Variants in CWC27 observed in about 807,000 individuals in gnomAD.
CWC27 encodes the protein spliceosome-associated protein CWC27 homolog.
Under a neutral mutation model 63.6 loss-of-function variants are expected in CWC27, and 47 were observed. The ratio of observed to expected loss-of-function variants is 0.74; its 90% CI spans 0.58 to 0.94. CWC27 has a LOEUF of 0.94. Ranked by LOEUF, CWC27 falls within the 40% of genes least tolerant of loss-of-function variation. The pLI is 0.00. For missense variants in CWC27, 495 were observed against 554.3 expected, an observed-to-expected ratio of 0.89 and a Z score of 1.07; for synonymous variants, 175 against 179.8, an observed-to-expected ratio of 0.97 and a Z score of 0.22.
At chr5:65,011,440 A>T (rs1175476713) in intron 13 of CWC27, among the ~76,000 whole-genome samples, 1 of 152,226 alleles carries the variant, frequency 6.6e-6, no homozygotes, top group Non-Finnish European at 1.5e-5. Context: ...ACACTCAGCT[A>T]ACTGAGAGAC....
intron 13 of CWC27, among the ~76,000 whole-genome samples, chr5:65,007,958 A>G (rs921204927): frequency 3.3e-5 from 5 of 152,120 alleles, no homozygotes; most frequent in African/African-American, 7.2e-5. Context: ...TACAAGTCCT[A>G]TTGGATTGCT....
chr5:64,965,046 G>A (rs967932570), intron 11 of CWC27, among the ~76,000 whole-genome samples: 46 of 152,062 alleles, frequency 3.0e-4, no homozygotes, highest in African/African-American at 1.1e-3. Flanking sequence ...CCAAGATCGC[G>A]CCATTGCACT....
At chr5:64,851,551 G>A (rs1746133996) in intron 10 of CWC27, among the ~76,000 whole-genome samples, 1 of 152,150 alleles carries the variant, frequency 6.6e-6, no homozygotes, top group African/African-American at 2.4e-5. Flanking sequence ...AGTATCTAAT[G>A]TTCTCACCAC....
chr5:64,961,286 T>C (rs1025926815), intron 11 of CWC27, among the ~76,000 whole-genome samples: 2 of 152,198 alleles, frequency 1.3e-5, no homozygotes, highest in African/African-American at 4.8e-5. Context: ...TGGTCCTTAG[T>C]TGCTTCATCT....
intron 11 of CWC27, among the ~76,000 whole-genome samples, chr5:64,922,011 T>C (rs1561157611): frequency 6.6e-6 from 1 of 152,344 alleles, no homozygotes; most frequent in East Asian, 1.9e-4. Flanking sequence ...CTGTAAGGTT[T>C]CTGCTGAAAG....
At chr5:64,840,384 AAAAAAAAAAAATATAT>A (rs1324689717) in intron 10 of CWC27, among the ~76,000 whole-genome samples, 1 of 67,228 alleles carries the variant, frequency 1.5e-5, no homozygotes, top group African/African-American at 6.8e-5. Flanking sequence ...AAAAAAAAAA[AAAAAAAAAAAATATAT>A]ATATATATAT....
chr5:65,016,159 C>T (rs73094773), intron 13 of CWC27, among the ~76,000 whole-genome samples: 17 of 152,226 alleles, frequency 1.1e-4, no homozygotes, highest in African/African-American at 4.1e-4. Flanking sequence ...GAAGCTAATA[C>T]CTAAACGCTG....
intron 2 of CWC27, 60 bp downstream of exon 2, chr5:64,774,847 T>G: frequency 3.1e-6 from 3 of 964,328 alleles, no homozygotes; most frequent in Non-Finnish European, 4.8e-6. Flanking sequence ...AACTGCAGTG[T>G]CTGCTTCACA....
intron 7 of CWC27, among the ~76,000 whole-genome samples, chr5:64,795,352 G>A (rs771397560): frequency 2.0e-4 from 31 of 152,034 alleles, no homozygotes; most frequent in Admixed American, 3.3e-4. Flanking sequence ...TATTAATTTC[G>A]TATTACTGTT....
At chr5:64,926,459 A>G (rs1280647027) in intron 11 of CWC27, among the ~76,000 whole-genome samples, 1 of 151,726 alleles carries the variant, frequency 6.6e-6, no homozygotes, top group Non-Finnish European at 1.5e-5. Flanking sequence ...AGGATTTTGT[A>G]TTTGACTTTC....
At chr5:64,795,155 C>T (rs961367873) in intron 7 of CWC27, among the ~76,000 whole-genome samples, 2 of 151,994 alleles carry the variant, frequency 1.3e-5, no homozygotes, top group Non-Finnish European at 2.9e-5. Flanking sequence ...TTAAACTTTC[C>T]CAAAAAAGTT....
At chr5:64,905,540 A>G (rs1284218795) in intron 11 of CWC27, among the ~76,000 whole-genome samples, 3 of 152,230 alleles carry the variant, frequency 2.0e-5, no homozygotes, top group African/African-American at 4.8e-5. Flanking sequence ...CAAAAGAAAT[A>G]AAGACTAGTA....
At chr5:64,839,665 G>A (rs1428837357) in intron 10 of CWC27, among the ~76,000 whole-genome samples, 1 of 152,220 alleles carries the variant, frequency 6.6e-6, no homozygotes, top group Non-Finnish European at 1.5e-5. Context: ...TAGAGATCTT[G>A]AAGCAGACTA....
chr5:65,004,905 T>TACATAC (rs1365338321), intron 13 of CWC27, among the ~76,000 whole-genome samples: 7 of 63,548 alleles, frequency 1.1e-4, no homozygotes, highest in Non-Finnish European at 1.5e-4. Flanking sequence ...TATATATATA[T>TACATAC]ACATACACAC....
At chr5:64,966,458 C>T (rs1160375754) in intron 11 of CWC27, among the ~76,000 whole-genome samples, 1 of 152,138 alleles carries the variant, frequency 6.6e-6, no homozygotes, top group Non-Finnish European at 1.5e-5. Context: ...GTGTTTGCCA[C>T]ATGTCAGACA....
At chr5:64,978,956 C>T (rs1330695626) in intron 13 of CWC27, among the ~76,000 whole-genome samples, 1 of 152,196 alleles carries the variant, frequency 6.6e-6, no homozygotes, top group East Asian at 1.9e-4. Flanking sequence ...TTACTTTCAA[C>T]TTGGCAAGAC....
chr5:64,786,495 TA>T, intron 5 of CWC27, 28 bp from the exon 6 acceptor site: 2 of 1,346,420 alleles, frequency 1.5e-6, no homozygotes, highest in Non-Finnish European at 2.0e-6. Context: ...AAAAATGGAA[TA>T]ATGTTTTCGA....
At chr5:65,004,214 G>GCTTC (rs1202534405) in intron 13 of CWC27, among the ~76,000 whole-genome samples, 2 of 151,916 alleles carry the variant, frequency 1.3e-5, no homozygotes, top group African/African-American at 4.8e-5. Flanking sequence ...CACTCCTTGA[G>GCTTC]CTTCCTTCCT....
intron 10 of CWC27, among the ~76,000 whole-genome samples, chr5:64,853,004 A>T (rs1746172419): frequency 6.6e-6 from 1 of 152,172 alleles, no homozygotes; most frequent in African/African-American, 2.4e-5. Context: ...AGACTATGGT[A>T]TTATGGCATT....
Sources: gnomAD v4.1 joint callset for allele counts (sites outside exome capture counted in the v4.1 genomes callset) on GRCh38, gnomAD v4.1.1 for gene constraint, MANE v1.5 for transcripts, NCBI Gene and HGNC (gene_info 2026-07-23, HGNC 2026-07-21) for gene names.